The following PACC1 variants were observed in gnomAD, a reference collection of about 807,000 sequenced individuals.
PACC1 encodes the protein proton activated chloride channel 1.
In PACC1, 34 loss-of-function variants were observed where a neutral mutation model predicts 39.7. The observed-to-expected ratio is 0.86, with a 90% confidence interval of 0.65 to 1.14. The LOEUF is 1.14. Ranked by LOEUF, PACC1 falls within the 50% of genes most tolerant of loss-of-function variation. The probability of loss-of-function intolerance (pLI) is 0.00; values close to 1 mark genes in which losing one functional copy is unlikely to be tolerated. For synonymous variants in PACC1, 127 were observed against 160.6 expected, an observed-to-expected ratio of 0.79 and a Z score of 1.58; for missense variants, 379 against 436.4, an observed-to-expected ratio of 0.87 and a Z score of 1.17.
chr1:212,384,749 C>T (rs182071741), intron 4 of PACC1, among the ~76,000 whole-genome samples: 24 of 152,354 alleles, frequency 1.6e-4, no homozygotes, highest in East Asian at 3.9e-4. Flanking sequence ...CCTTCCCAGC[C>T]GTGCTGTGTT....
chr1:212,377,429 T>G, intron 6 of PACC1, 133 bp downstream of exon 6: 1 of 1,255,820 alleles, frequency 8.0e-7, no homozygotes. Context: ...TGGGAGTCCC[T>G]TCTCATCCTG....
intron 4 of PACC1, among the ~76,000 whole-genome samples, chr1:212,380,997 GAA>G (rs1432057572): frequency 2.0e-5 from 3 of 152,290 alleles, no homozygotes; most frequent in Admixed American, 6.5e-5. Context: ...ACAGAGATTT[GAA>G]AAAGAGTGAG....
At chr1:212,371,020 G>A (rs535738623) in intron 7 of PACC1, among the ~76,000 whole-genome samples, 13 of 152,178 alleles carry the variant, frequency 8.5e-5, no homozygotes, top group South Asian at 4.1e-4. Context: ...GGCTGAGGCC[G>A]GCAGATCACA....
rs2102456861 is a variant in PACC1, at chr1:212,364,492, T to C, written c.*723A>G. On this transcript the variant is annotated 3_prime_UTR_variant, in exon 8 of 8. Transcript: ENST00000261455. ...ACACTCGTTCCTTTTGTATTAACTTTTATTTACCTGTTAATGAAATCATCA... is the reference window on the plus strand; with the variant it reads ...ACACTCGTTCCTTTTGTATTAACTTCTATTTACCTGTTAATGAAATCATCA... 6.5e-6 allele frequency: 1 copy of C among 152,758 alleles called. No homozygotes were observed. The highest frequency in any genetic ancestry group is 2.1e-4 in the South Asian group (1 of 4,832). 9.5% of individuals were successfully genotyped at this position (152,758 alleles called of 1,614,324 possible). A position where few individuals can be genotyped will look rare whatever the true frequency, so the allele number is the denominator to read the frequency against.
chr1:212,371,582 C>T (rs148505110), intron 7 of PACC1, among the ~76,000 whole-genome samples: 7 of 149,214 alleles, frequency 4.7e-5, no homozygotes, highest in African/African-American at 1.7e-4. Context: ...CTGATGGCTT[C>T]GTTGCTAAAT....
Position 212,375,352 on chromosome 1 carries a change from T to C in PACC1, c.784-52A>G, listed in dbSNP as rs759459968. On this transcript the variant is annotated intron_variant, in intron 6 of 7. Coordinates refer to ENST00000261455, the MANE Select transcript of PACC1 (RefSeq NM_018252.3). ...TTACCACCTCTGTGTGCCCTTCCCT[T>C]GCCTGTGCCCAGCGAAAGGAGAGAG... 22 of 1,305,422 alleles carry C rather than the reference T, an allele frequency of 1.7e-5. No homozygotes were observed. The South Asian group carries it at 2.6e-4, about 16-fold the overall frequency. The allele number at this position is 1,305,422 out of a possible 1,614,324, so 80.9% of individuals were successfully genotyped here. A position where few individuals can be genotyped will look rare whatever the true frequency, so the allele number is the denominator to read the frequency against.
chr1:212,388,115 C>G (rs894955952), intron 2 of PACC1, among the ~76,000 whole-genome samples: 1 of 151,900 alleles, frequency 6.6e-6, no homozygotes, highest in African/African-American at 2.4e-5. Context: ...CTCTCCTGAC[C>G]CCTAACCTTT....
intron 2 of PACC1, 112 bp downstream of exon 2, chr1:212,410,313 C>T (rs1251493176): frequency 3.3e-6 from 3 of 916,124 alleles, no homozygotes; most frequent in Admixed American, 1.7e-5. Flanking sequence ...ATACTTGAGA[C>T]CTGACACCAG....
At chr1:212,396,555 C>T (rs1330865927) in intron 2 of PACC1, among the ~76,000 whole-genome samples, 2 of 150,512 alleles carry the variant, frequency 1.3e-5, no homozygotes, top group African/African-American at 4.9e-5. Flanking sequence ...CTGCATTGCG[C>T]ACATGTACCC....
chr1:212,387,123 T>C (rs1661131990), intron 2 of PACC1, 23 bp from the exon 3 acceptor site: 3 of 1,611,972 alleles, frequency 1.9e-6, no homozygotes, highest in Non-Finnish European at 2.5e-6. Flanking sequence ...AAACACCATG[T>C]GACCCAGGGC....
intron 4 of PACC1, among the ~76,000 whole-genome samples, chr1:212,383,432 T>C (rs574363349): frequency 5.3e-5 from 8 of 152,272 alleles, no homozygotes; most frequent in Admixed American, 5.2e-4. Context: ...TACAGAGAGA[T>C]GAAGGGAGCT....
intron 2 of PACC1, among the ~76,000 whole-genome samples, chr1:212,404,687 C>G (rs1420510479): frequency 1.3e-5 from 2 of 151,388 alleles, no homozygotes; most frequent in African/African-American, 2.4e-5. Flanking sequence ...TTTCTCAAAC[C>G]AGCCAGCCTT....
intron 2 of PACC1, among the ~76,000 whole-genome samples, chr1:212,399,353 C>T (rs926492979): frequency 7.0e-6 from 1 of 142,274 alleles, no homozygotes; most frequent in African/African-American, 2.6e-5. Flanking sequence ...GACTCCTAGC[C>T]CAATGCTCTT....
chr1:212,382,463 C>T (rs1454724892), intron 4 of PACC1, among the ~76,000 whole-genome samples: 1 of 152,132 alleles, frequency 6.6e-6, no homozygotes. Flanking sequence ...GGTGGCAAAC[C>T]TTATTGTGCC....
intron 7 of PACC1, among the ~76,000 whole-genome samples, chr1:212,368,321 A>G (rs1163961274): frequency 6.6e-6 from 1 of 152,174 alleles, no homozygotes; most frequent in Non-Finnish European, 1.5e-5. Flanking sequence ...TAAATCTTCA[A>G]TGCCCATAGA....
chr1:212,394,161 T>C (rs1260157840), intron 2 of PACC1, among the ~76,000 whole-genome samples: 1 of 152,150 alleles, frequency 6.6e-6, no homozygotes, highest in Non-Finnish European at 1.5e-5. Context: ...CCAATATCCC[T>C]GATGAACATC....
chr1:212,368,895 G>T (rs1472971678), intron 7 of PACC1, among the ~76,000 whole-genome samples: 1 of 152,044 alleles, frequency 6.6e-6, no homozygotes, highest in East Asian at 1.9e-4. Flanking sequence ...AGCCGGGCGT[G>T]GTGGCGGGTG....
intron 2 of PACC1, among the ~76,000 whole-genome samples, chr1:212,394,781 A>C (rs1313330427): frequency 6.6e-6 from 1 of 152,254 alleles, no homozygotes; most frequent in Non-Finnish European, 1.5e-5. Flanking sequence ...AAGCATTCTT[A>C]TACACCAACA....
Position 212,387,108 on chromosome 1 carries a change from C to A in PACC1, c.134-8G>T. 2 of 1,613,296 alleles carry A rather than the reference C, an allele frequency of 1.2e-6. No individual in the cohort carries two copies. The highest frequency in any genetic ancestry group is 1.7e-6 in the Non-Finnish European group (2 of 1,179,966). On this transcript the variant is annotated splice_region_variant and splice_polypyrimidine_tract_variant and intron_variant, in intron 2 of 7. Transcript: ENST00000261455. ...CGGACTCGCTGTCCAGGCCTGACAACAACAAAACACCATGTGACCCAGGGC... is the reference window on the plus strand; with the variant it reads ...CGGACTCGCTGTCCAGGCCTGACAAAAACAAAACACCATGTGACCCAGGGC...
Sources: gnomAD v4.1 joint callset for allele counts (sites outside exome capture counted in the v4.1 genomes callset) on GRCh38, gnomAD v4.1.1 for gene constraint, MANE v1.5 for transcripts, NCBI Gene and HGNC (gene_info 2026-07-23, HGNC 2026-07-21) for gene names.